Variants in NEDD4L observed in about 807,000 individuals in gnomAD.
NEDD4L encodes the protein E3 ubiquitin-protein ligase NEDD4-like.
NEDD4L carries 54 observed loss-of-function variants against 148.9 expected under a neutral mutation model. The observed-to-expected ratio is 0.36, with a 90% CI of 0.29 to 0.45. The LOEUF is 0.45. Among genes scored for constraint, NEDD4L ranks in the 20% least tolerant of loss-of-function variants. The pLI is 1.00. For synonymous variants in NEDD4L, 433 were observed against 440.7 expected (o/e 0.98, Z 0.22); for missense variants, 856 against 1,233.8 (o/e 0.69, Z 4.59).
chr18:58,117,343 T>C (rs990820751), intron 1 of NEDD4L, among the ~76,000 whole-genome samples: 1 of 152,240 alleles, frequency 6.6e-6, no homozygotes, highest in Admixed American at 6.5e-5. Context: ...TTTTATCATA[T>C]TCGAATTTGA....
At chr18:58,197,296 G>A (rs1393585810) in intron 2 of NEDD4L, among the ~76,000 whole-genome samples, 3 of 152,152 alleles carry the variant, frequency 2.0e-5, no homozygotes, top group African/African-American at 7.2e-5. Flanking sequence ...CCTGTAAGCT[G>A]CTTTGCACGC....
chr18:58,047,854 A>T (rs998282564), intron 1 of NEDD4L, among the ~76,000 whole-genome samples: 1 of 152,198 alleles, frequency 6.6e-6, no homozygotes, highest in African/African-American at 2.4e-5. Flanking sequence ...TAGTTTACTT[A>T]TGAATGTTAC....
At chr18:58,247,877 C>T (rs1200400055) in intron 3 of NEDD4L, among the ~76,000 whole-genome samples, 1 of 152,196 alleles carries the variant, frequency 6.6e-6, no homozygotes, top group Non-Finnish European at 1.5e-5. Flanking sequence ...AAAGTATGAA[C>T]CCCATTATTT....
intron 1 of NEDD4L, among the ~76,000 whole-genome samples, chr18:58,164,845 A>G (rs998446231): frequency 2.0e-5 from 3 of 152,142 alleles, no homozygotes; most frequent in African/African-American, 7.3e-5. Context: ...CTACATTGAT[A>G]ACTGCTGAGT....
chr18:58,340,312 C>G (rs182375), intron 13 of NEDD4L, among the ~76,000 whole-genome samples: 2 of 152,172 alleles, frequency 1.3e-5, no homozygotes, highest in Non-Finnish European at 2.9e-5. Flanking sequence ...TACAGTCACT[C>G]TATGCGGGGC....
intron 2 of NEDD4L, among the ~76,000 whole-genome samples, chr18:58,185,215 G>C (rs1013427836): frequency 3.9e-5 from 6 of 152,132 alleles, no homozygotes; most frequent in African/African-American, 1.4e-4. Flanking sequence ...GTGGGAGCTG[G>C]ATTACCCCAG....
In NEDD4L at chr18:58,373,089, T is replaced by A. The variant is rs2047110488; in HGVS notation, c.2257-85T>A. ...ATTTCTTGAGCATTCTGCACAGAAT[T>A]ACATTAGAATGTAATTAAAGAAGTC... On this transcript the variant is annotated intron_variant, in intron 23 of 30. Coordinates refer to ENST00000400345, the MANE Select transcript of NEDD4L (RefSeq NM_001144967.3). The A allele has an allele frequency of 5.3e-6, 4 of 753,770 alleles. No individual in the cohort carries two copies. The East Asian group carries it at 1.1e-4, about 20-fold the overall frequency. The allele number at this position is 753,770 out of a possible 1,614,324, so 46.7% of individuals were successfully genotyped here.
chr18:58,386,786 A>T (rs1024789024), intron 26 of NEDD4L, among the ~76,000 whole-genome samples: 1 of 152,196 alleles, frequency 6.6e-6, no homozygotes, highest in Non-Finnish European at 1.5e-5. Flanking sequence ...CCCGGGCAGC[A>T]CACTCAGAAA....
At chr18:58,087,271 C>G (rs896841769) in intron 1 of NEDD4L, among the ~76,000 whole-genome samples, 17 of 152,188 alleles carry the variant, frequency 1.1e-4, no homozygotes, top group African/African-American at 4.1e-4. Context: ...GCTAAACTTT[C>G]CATCAGGAAA....
intron 1 of NEDD4L, chr18:58,091,495 A>C (rs779620567): frequency 1.6e-4 from 24 of 152,396 alleles, no homozygotes; most frequent in South Asian, 1.5e-3. Flanking sequence ...GCCCAGTGCA[A>C]AGTGGCTGCT....
rs1203927362 is a variant in NEDD4L at position 58,227,264 on chromosome 18, G to A, written c.123-18163G>A. ...TGCCTAAAACAACCATGCCAGACATGTAGTGGTGCCAGTGACAACTTGTTG... is the reference window on the plus strand; with the variant it reads ...TGCCTAAAACAACCATGCCAGACATATAGTGGTGCCAGTGACAACTTGTTG... On this transcript the variant is annotated intron_variant, in intron 2 of 30. Transcript: ENST00000400345. Among the ~76,000 whole-genome samples, 8 of 152,194 alleles carry A rather than the reference G, an allele frequency of 5.3e-5. No individual in the cohort carries two copies. The East Asian group carries it at 1.5e-3, about 29-fold the overall frequency.
chr18:58,197,462 G>A (rs925688666), intron 2 of NEDD4L, among the ~76,000 whole-genome samples: 9 of 152,164 alleles, frequency 5.9e-5, no homozygotes, highest in South Asian at 2.1e-4. Flanking sequence ...TGCCATTGAC[G>A]TGCCCTTCTC....
intron 5 of NEDD4L, among the ~76,000 whole-genome samples, chr18:58,274,510 G>A (rs944239370): frequency 1.3e-5 from 2 of 152,226 alleles, no homozygotes; most frequent in Non-Finnish European, 2.9e-5. Flanking sequence ...TTAGACAGCT[G>A]ATAAACAGCT....
intron 5 of NEDD4L, among the ~76,000 whole-genome samples, chr18:58,282,700 A>G (rs1191936896): frequency 6.6e-6 from 1 of 152,210 alleles, no homozygotes; most frequent in East Asian, 1.9e-4. Context: ...ATAACATTCT[A>G]CATTTAGTTT....
chr18:58,176,070 G>A (rs895710589), intron 2 of NEDD4L, among the ~76,000 whole-genome samples: 2 of 152,224 alleles, frequency 1.3e-5, no homozygotes, highest in African/African-American at 2.4e-5. Context: ...GCCATGTTCA[G>A]TATACACTAA....
intron 1 of NEDD4L, 27 bp downstream of exon 1, chr18:58,044,735 G>C (rs1465596154): frequency 6.2e-7 from 1 of 1,601,614 alleles, no homozygotes; most frequent in East Asian, 2.3e-5. Flanking sequence ...TCCTGCTCGG[G>C]ACTCCCCGGG....
intron 1 of NEDD4L, among the ~76,000 whole-genome samples, chr18:58,096,918 A>C (rs1392881459): frequency 3.3e-5 from 5 of 152,192 alleles, no homozygotes; most frequent in Non-Finnish European, 5.9e-5. Flanking sequence ...CTAAATTGCC[A>C]TGTGGAAGAA....
intron 1 of NEDD4L, among the ~76,000 whole-genome samples, chr18:58,133,989 C>A (rs149145006): frequency 3.7e-4 from 57 of 152,076 alleles, no homozygotes; most frequent in African/African-American, 1.1e-3. Flanking sequence ...GCTTAATATT[C>A]TTTATTTTTA....
intron 2 of NEDD4L, among the ~76,000 whole-genome samples, chr18:58,201,103 C>T (rs7233451): frequency 0.025 from 3,826 of 152,270 alleles, 174 homozygotes; most frequent in African/African-American, 0.088. Context: ...GAGGCCAAGG[C>T]GGGCAGATCA....
Sources: allele counts gnomAD v4.1 joint callset (sites outside exome capture counted in the v4.1 genomes callset), GRCh38; gene constraint gnomAD v4.1.1; transcripts MANE v1.5; gene names NCBI Gene and HGNC (gene_info 2026-07-23, HGNC 2026-07-21).